SZRD1: variants seen among roughly 807,000 people sequenced by gnomAD.
SZRD1 encodes SUZ RNA binding domain containing 1, also known as SUZ RNA-binding domain-containing.
A neutral mutation model predicts 17.6 loss-of-function variants in SZRD1; 7 were observed. The observed-to-expected ratio is 0.40, with a 90% CI of 0.23 to 0.75. SZRD1 has a LOEUF of 0.75. Ranked by LOEUF, SZRD1 falls within the 30% of genes least tolerant of loss-of-function variation. The pLI, the probability that SZRD1 is intolerant of heterozygous loss-of-function variation, is 0.38. For missense variants in SZRD1, 178 were observed against 201.8 expected (o/e 0.88, Z 0.71); for synonymous variants, 77 against 77.9 (o/e 0.99, Z 0.06).
chr1:16,391,323 T>G lies in SZRD1; in HGVS notation c.52-52T>G. 1 of 1,354,262 alleles carries G rather than the reference T, an allele frequency of 7.4e-7. No individual in the cohort carries two copies. The highest frequency in any genetic ancestry group is 1.0e-6 in the Non-Finnish European group (1 of 970,538). The allele number at this position is 1,354,262 out of a possible 1,614,324, so 83.9% of individuals were successfully genotyped here. ...TTAGCTCCAAAAATAAAGACTAAGT[T>G]TTTATTTGAGAGAGATTTTTTCCTC... On this transcript the variant is annotated intron_variant, in intron 1 of 3. Coordinates refer to ENST00000401088, the MANE Select transcript of SZRD1 (RefSeq NM_001114600.3). The surrounding 1 kb of genome is among the most constrained non-coding windows in gnomAD (Gnocchi z 4.3).
intron 1 of SZRD1, among the ~76,000 whole-genome samples, chr1:16,386,446 G>C (rs1051201145): frequency 6.6e-6 from 1 of 152,212 alleles, no homozygotes; most frequent in African/African-American, 2.4e-5. Context: ...TTGCATCTCT[G>C]GGGGAGATGC....
chr1:16,381,458 G>A (rs1380782826), intron 1 of SZRD1, among the ~76,000 whole-genome samples: 3 of 151,524 alleles, frequency 2.0e-5, no homozygotes, highest in Admixed American at 6.6e-5. Context: ...TTGGGAGGCT[G>A]AGACAGGAGA....
intron 1 of SZRD1, among the ~76,000 whole-genome samples, chr1:16,375,477 A>G (rs2082986765): frequency 6.6e-6 from 1 of 151,466 alleles, no homozygotes; most frequent in Admixed American, 6.6e-5. Context: ...ACCATGCCCG[A>G]CTCATGTTTT....
intron 1 of SZRD1, chr1:16,390,510 A>G (rs142577803): frequency 1.3e-5 from 2 of 152,272 alleles, no homozygotes; most frequent in African/African-American, 4.8e-5. Flanking sequence ...TTCTGAGAGA[A>G]ATACTTGCTG....
Position 16,384,860 on chromosome 1 carries a change from G to A in SZRD1, c.52-6515G>A, listed in dbSNP as rs181519181. Among the ~76,000 whole-genome samples the A allele has an allele frequency of 6.6e-5, 10 of 152,192 alleles. No homozygotes were observed. The East Asian group carries it at 1.3e-3, about 21-fold the overall frequency. ...TCCTGTCTCTTCTTCAGATCTCCCC[G>A]GGTCCACTTGTAGACTTGTGCACCC... On this transcript the variant is annotated intron_variant, in intron 1 of 3. Coordinates refer to ENST00000401088, the MANE Select transcript of SZRD1 (RefSeq NM_001114600.3).
At chr1:16,392,235 A>G (rs532771015) in intron 2 of SZRD1, among the ~76,000 whole-genome samples, 5 of 152,162 alleles carry the variant, frequency 3.3e-5, no homozygotes, top group East Asian at 3.9e-4. Context: ...ACTTGTTTCC[A>G]TCCACCCTGG....
chr1:16,370,098 G>A (rs1245701231), intron 1 of SZRD1, among the ~76,000 whole-genome samples: 1 of 152,090 alleles, frequency 6.6e-6, no homozygotes, highest in Admixed American at 6.6e-5. Flanking sequence ...ACACAGCTGG[G>A]GGAAGCTGGG....
In SZRD1 at chr1:16,395,005, C is replaced by T. The variant is rs112759223; in HGVS notation, c.357-33C>T. On this transcript the variant is annotated intron_variant, in intron 3 of 3. Transcript: ENST00000401088. ...GATGGGGGACATCTATTATATCCTT[C>T]TTCAGGCCTTCCTCTGCTTTTCTTC... 5 of 1,252,858 alleles carry T rather than the reference C, an allele frequency of 4.0e-6. No individual in the cohort carries two copies. In the African/African-American group the frequency reaches 4.4e-5, roughly 11 times the overall value. The allele number at this position is 1,252,858 out of a possible 1,614,324, so 77.6% of individuals were successfully genotyped here.
intron 1 of SZRD1, among the ~76,000 whole-genome samples, chr1:16,371,860 C>T (rs1026065794): frequency 6.6e-6 from 1 of 152,090 alleles, no homozygotes; most frequent in Non-Finnish European, 1.5e-5. Context: ...TAGCTGGGCC[C>T]ACAGGCGTGT....
At position 16,387,543 on chromosome 1, in the gene SZRD1, AG is replaced by A. The variant is rs534389859; in HGVS notation, c.52-3829del. The A allele has an allele frequency of 8.5e-4, 386 of 456,736 alleles. 3 individuals are homozygous for A. Among genetic ancestry groups the A allele is most frequent in the African/African-American group, 7.1e-3 (358 of 50,198 alleles). The allele number at this position is 456,736 out of a possible 1,614,324, so 28.3% of individuals were successfully genotyped here. ...CAAAGCTTGTTGGCCGTCATTAGGC[AG>A]GGCAAGTGCTCTTTGGTGCCCTGCA... On this transcript the variant is annotated intron_variant, in intron 1 of 3. Transcript: ENST00000401088.
rs759012023 is a variant in SZRD1 at position 16,367,248 on chromosome 1, G to A, written c.-10G>A. 9.0e-6 allele frequency: 14 copies of A among 1,548,192 alleles called. No individual in the cohort carries two copies. The highest frequency in any genetic ancestry group is 4.8e-5 in the South Asian group (4 of 83,964). On this transcript the variant is annotated 5_prime_UTR_variant, in exon 1 of 4. Transcript: ENST00000401088. The stretch of plus-strand genomic sequence containing the variant: ...GAGGGGGTGGGGGAGGAGGGAAAGC[G>A]GCGAGTAAGATGGAAGATGAGGAGG...
Position 16,393,525 on chromosome 1 carries a change from T to G in SZRD1, c.356+43T>G, listed in dbSNP as rs768256607. 15 of 1,563,512 alleles carry G rather than the reference T, an allele frequency of 9.6e-6. No individual in the cohort carries two copies. The highest frequency in any genetic ancestry group is 1.3e-5 in the Non-Finnish European group (15 of 1,156,858). ...GGCCGGCCAGTGATGGCTGTCCCAG[T>G]CCACCCGGGAAGAGGAGAGCATCCT... On this transcript the variant is annotated intron_variant, in intron 3 of 3. Transcript: ENST00000401088. The surrounding 1 kb of genome is among the most constrained non-coding windows in gnomAD (Gnocchi z 5.6).
chr1:16,371,760 C>T (rs55704082), intron 1 of SZRD1, among the ~76,000 whole-genome samples: 3,242 of 151,870 alleles, frequency 0.021, 120 homozygotes, highest in African/African-American at 0.073. Context: ...TGCGCCTGGC[C>T]CCTTTCTTAA....
At chr1:16,374,977 G>A (rs1239104140) in intron 1 of SZRD1, among the ~76,000 whole-genome samples, 4 of 151,060 alleles carry the variant, frequency 2.6e-5, no homozygotes, top group Non-Finnish European at 5.9e-5. Context: ...TCCCGGGTTC[G>A]AGCGATTCTC....
At chr1:16,368,074 C>T (rs2082853406) in intron 1 of SZRD1, 2 of 152,148 alleles carry the variant, frequency 1.3e-5, no homozygotes, top group Non-Finnish European at 2.9e-5. Flanking sequence ...GACCGTTCGA[C>T]TTGTTTTTGG....
At chr1:16,386,067 G>A (rs1226114829) in intron 1 of SZRD1, among the ~76,000 whole-genome samples, 1 of 152,220 alleles carries the variant, frequency 6.6e-6, no homozygotes, top group East Asian at 1.9e-4. Context: ...TTTGGCAACA[G>A]TAGATCTTTT....
At chr1:16,373,064 T>C (rs887805818) in intron 1 of SZRD1, among the ~76,000 whole-genome samples, 3 of 151,750 alleles carry the variant, frequency 2.0e-5, no homozygotes, top group African/African-American at 7.3e-5. Context: ...ATACACAGCA[T>C]TGGGAGGGCT....
chr1:16,386,048 A>G (rs1362721556), intron 1 of SZRD1, among the ~76,000 whole-genome samples: 1 of 152,148 alleles, frequency 6.6e-6, no homozygotes, highest in Non-Finnish European at 1.5e-5. Context: ...AGGACAAGTG[A>G]TGTCAAGGTT....
intron 1 of SZRD1, among the ~76,000 whole-genome samples, chr1:16,368,387 T>A (rs1569984490): frequency 6.6e-6 from 1 of 152,208 alleles, no homozygotes; most frequent in Non-Finnish European, 1.5e-5. Context: ...GGCCGGGAAA[T>A]TGACCCTGGC....
Sources: allele counts gnomAD v4.1 joint callset (sites outside exome capture counted in the v4.1 genomes callset), GRCh38; gene constraint gnomAD v4.1.1; non-coding constraint Gnocchi (gnomAD v3.1); transcripts MANE v1.5; gene names NCBI Gene and HGNC (gene_info 2026-07-23, HGNC 2026-07-21).